Variants in SLC44A5 observed in about 807,000 individuals in gnomAD.
SLC44A5 encodes solute carrier family 44 member 5.
A neutral mutation model predicts 101.8 loss-of-function variants in SLC44A5; 57 were observed. The observed-to-expected ratio is 0.56, with a 90% CI of 0.45 to 0.70. The LOEUF is 0.70. SLC44A5 is among the 30% of genes least tolerant of loss of function. The pLI, the probability that SLC44A5 is intolerant of heterozygous loss-of-function variation, is 0.00. For synonymous variants in SLC44A5, 281 were observed against 290.9 expected (o/e 0.97, Z 0.35); for missense variants, 737 against 853.1 (o/e 0.86, Z 1.70).
chr1:75,688,141 C>T, the SLC44A5 span, among the ~76,000 whole-genome samples: 1 of 152,168 alleles, frequency 6.6e-6, no homozygotes, highest in South Asian at 2.1e-4. Flanking sequence ...TCTGAGATGC[C>T]ACAGTCTTTC....
chr1:75,413,687 C>T (rs1361752506), intron 2 of SLC44A5, among the ~76,000 whole-genome samples: 1 of 152,180 alleles, frequency 6.6e-6, no homozygotes, highest in Admixed American at 6.5e-5. Flanking sequence ...ATGTCCTGAA[C>T]TCCACAGAAT....
intron 5 of SLC44A5, among the ~76,000 whole-genome samples, chr1:75,292,436 G>GAATGA (rs1456913874): frequency 6.6e-6 from 1 of 152,106 alleles, no homozygotes; most frequent in Non-Finnish European, 1.5e-5. Context: ...TCTGGCCAAA[G>GAATGA]AATGAAATAT....
chr1:75,588,458 G>T (rs181276262), intron 1 of SLC44A5, among the ~76,000 whole-genome samples: 11 of 152,122 alleles, frequency 7.2e-5, no homozygotes, highest in Admixed American at 6.6e-4. Context: ...GAGTGAAGTT[G>T]AAAGGTTAAG....
intron 3 of SLC44A5, among the ~76,000 whole-genome samples, chr1:75,394,765 A>T (rs1176301148): frequency 6.6e-6 from 1 of 152,092 alleles, no homozygotes; most frequent in Non-Finnish European, 1.5e-5. Context: ...AGAAGTGTAA[A>T]TGTGGAGTGA....
chr1:75,434,071 T>A (rs1664757079), intron 2 of SLC44A5, among the ~76,000 whole-genome samples: 1 of 152,088 alleles, frequency 6.6e-6, no homozygotes, highest in Admixed American at 6.6e-5. Flanking sequence ...CAATTCAAGA[T>A]GAAATTCGGA....
chr1:75,285,951 T>C (rs1653004097), intron 5 of SLC44A5, among the ~76,000 whole-genome samples: 1 of 152,106 alleles, frequency 6.6e-6, no homozygotes, highest in Admixed American at 6.6e-5. Context: ...TCTGCAGTTG[T>C]TGGGTAGAAT....
chr1:75,411,083 G>T (rs1663245900), intron 2 of SLC44A5, among the ~76,000 whole-genome samples: 1 of 152,082 alleles, frequency 6.6e-6, no homozygotes, highest in Non-Finnish European at 1.5e-5. Context: ...CTGGACTACT[G>T]GCATAATGAT....
upstream of SLC44A5, among the ~76,000 whole-genome samples, chr1:75,612,580 T>C (rs1184428685): frequency 6.6e-6 from 1 of 152,212 alleles, no homozygotes; most frequent in Non-Finnish European, 1.5e-5. Flanking sequence ...CTGGTATTAA[T>C]CACTATGTGA....
At chr1:75,259,368 A>T (rs1208272578) in intron 6 of SLC44A5, among the ~76,000 whole-genome samples, 1 of 152,186 alleles carries the variant, frequency 6.6e-6, no homozygotes, top group East Asian at 1.9e-4. Flanking sequence ...ACAGCACAAG[A>T]ATTTCGCAAA....
intron 1 of SLC44A5, among the ~76,000 whole-genome samples, chr1:75,594,820 A>G (rs1674546380): frequency 1.3e-5 from 2 of 152,026 alleles, no homozygotes; most frequent in South Asian, 4.1e-4. Flanking sequence ...TATTAAACTA[A>G]CAATGTTAAC....
chr1:75,312,296 T>C (rs186784008), intron 4 of SLC44A5, among the ~76,000 whole-genome samples: 6 of 152,220 alleles, frequency 3.9e-5, no homozygotes, highest in African/African-American at 1.4e-4. Context: ...ATGTCTTTAT[T>C]AATAGCATGA....
At chr1:75,541,620 C>A (rs1671359451) in intron 1 of SLC44A5, 104 bp from the exon 2 acceptor site, 1 of 629,698 alleles carries the variant, frequency 1.6e-6, no homozygotes, top group Non-Finnish European at 2.6e-6. Context: ...ATAATTTACT[C>A]TCCCCAAAAA....
intron 2 of SLC44A5, among the ~76,000 whole-genome samples, chr1:75,481,212 T>C (rs1400423471): frequency 6.6e-6 from 1 of 152,202 alleles, no homozygotes; most frequent in African/African-American, 2.4e-5. Flanking sequence ...TGTAGAAAGC[T>C]GAAACTGGAT....
the SLC44A5 span, among the ~76,000 whole-genome samples, chr1:75,670,016 G>A: frequency 1.3e-5 from 2 of 152,108 alleles, no homozygotes; most frequent in Non-Finnish European, 2.9e-5. Context: ...ATACAAATTA[G>A]AATTAGACAT....
At chr1:75,686,795 C>T in the SLC44A5 span, among the ~76,000 whole-genome samples, 1 of 152,188 alleles carries the variant, frequency 6.6e-6, no homozygotes, top group South Asian at 2.1e-4. Flanking sequence ...CTGTGGATAG[C>T]TACCATGTGG....
intron 12 of SLC44A5, among the ~76,000 whole-genome samples, chr1:75,233,612 C>T (rs1488955443): frequency 2.6e-5 from 4 of 152,144 alleles, no homozygotes; most frequent in African/African-American, 9.7e-5. Flanking sequence ...GATCACACTT[C>T]TGTAACTTTT....
chr1:75,630,189 A>G, the SLC44A5 span, among the ~76,000 whole-genome samples: 1 of 151,914 alleles, frequency 6.6e-6, no homozygotes, highest in Non-Finnish European at 1.5e-5. Flanking sequence ...ACAATAGCTG[A>G]CTCTGTAGGG....
At chr1:75,210,682 A>C (rs773384357) in intron 23 of SLC44A5, among the ~76,000 whole-genome samples, 1 of 152,184 alleles carries the variant, frequency 6.6e-6, no homozygotes, top group Non-Finnish European at 1.5e-5. Context: ...GCATGGCAGA[A>C]GCCAATCATT....
intron 2 of SLC44A5, among the ~76,000 whole-genome samples, chr1:75,440,235 G>A (rs1478452207): frequency 6.6e-6 from 1 of 152,090 alleles, no homozygotes; most frequent in Non-Finnish European, 1.5e-5. Flanking sequence ...CCAAGAAAAA[G>A]GAGAATTTGC....
Sources: gnomAD v4.1 joint callset for allele counts (sites outside exome capture counted in the v4.1 genomes callset) on GRCh38, gnomAD v4.1.1 for gene constraint, MANE v1.5 for transcripts, NCBI Gene and HGNC (gene_info 2026-07-23, HGNC 2026-07-21) for gene names.